Variants in HHAT observed in about 807,000 individuals in gnomAD.
HHAT encodes the protein hedgehog acyltransferase.
In HHAT, 47 loss-of-function variants were observed where a neutral mutation model predicts 70.8. That is an observed-to-expected ratio of 0.66 (90% CI 0.53 to 0.85). The LOEUF is 0.85. Among genes scored for constraint, HHAT ranks in the 40% least tolerant of loss-of-function variants. The pLI is 0.00. For synonymous variants in HHAT, 228 were observed against 247.6 expected, an observed-to-expected ratio of 0.92 and a Z score of 0.74; for missense variants, 609 against 604.8, an observed-to-expected ratio of 1.01 and a Z score of -0.07.
intron 11 of HHAT, among the ~76,000 whole-genome samples, chr1:210,641,095 A>C (rs1249745776): frequency 6.6e-6 from 1 of 152,328 alleles, no homozygotes; most frequent in South Asian, 2.1e-4. Context: ...TGAGCTACTG[A>C]ATACTGTATG....
chr1:210,363,046 C>A, intron 3 of HHAT, 127 bp downstream of exon 3: 1 of 781,578 alleles, frequency 1.3e-6, no homozygotes, highest in Non-Finnish European at 2.2e-6. Flanking sequence ...ACCCTTTTTG[C>A]CGTAAAGGTG....
At chr1:210,628,916 G>A (rs1480987345) in intron 11 of HHAT, among the ~76,000 whole-genome samples, 1 of 152,182 alleles carries the variant, frequency 6.6e-6, no homozygotes, top group East Asian at 1.9e-4. Flanking sequence ...CGGAGGGCAG[G>A]TGTCGGTGTC....
intron 1 of HHAT, among the ~76,000 whole-genome samples, chr1:210,336,166 C>T (rs940891316): frequency 1.6e-4 from 24 of 151,908 alleles, no homozygotes; most frequent in African/African-American, 5.3e-4. Context: ...GTCACCCAGG[C>T]GGGAGTGCAG....
chr1:210,549,828 C>T lies in HHAT; in HGVS notation c.1043+36640C>T, dbSNP rs1000110826. On this transcript the variant is annotated intron_variant, in intron 9 of 11. Transcript: ENST00000261458. ...TGGGCAACATAGCAAGAACCCATCT[C>T]AAAGCAGTTTGAGAAGATTAAGATA... 1.3e-4 allele frequency among the ~76,000 whole-genome samples: 19 copies of T among 148,708 alleles called. 2 individuals carry two copies. The highest frequency in any genetic ancestry group is 4.2e-4 in the African/African-American group (17 of 40,132).
At chr1:210,337,094 CTT>C (rs963863007) in intron 1 of HHAT, among the ~76,000 whole-genome samples, 4 of 151,958 alleles carry the variant, frequency 2.6e-5, no homozygotes, top group African/African-American at 9.7e-5. Flanking sequence ...TATAAAAAGA[CTT>C]AGAGTTATGT....
intron 9 of HHAT, 95 bp downstream of exon 9, chr1:210,513,283 A>G: frequency 1.5e-6 from 1 of 681,412 alleles, no homozygotes. Flanking sequence ...TTGATAAATA[A>G]TGGCACTTAT....
At chr1:210,590,869 G>A (rs1661550118) in intron 10 of HHAT, among the ~76,000 whole-genome samples, 1 of 152,100 alleles carries the variant, frequency 6.6e-6, no homozygotes, top group African/African-American at 2.4e-5. Flanking sequence ...TATTAAGATA[G>A]ATTAGCAGAT....
chr1:210,485,149 A>G (rs2094455353), intron 8 of HHAT, among the ~76,000 whole-genome samples: 1 of 152,174 alleles, frequency 6.6e-6, no homozygotes, highest in Non-Finnish European at 1.5e-5. Context: ...GAGGAAAGAG[A>G]AAGAACAGAG....
At chr1:210,446,480 C>T (rs563223113) in intron 7 of HHAT, among the ~76,000 whole-genome samples, 1 of 152,294 alleles carries the variant, frequency 6.6e-6, no homozygotes, top group South Asian at 2.1e-4. Flanking sequence ...TGTTAAAAAG[C>T]AGAATGTTTC....
intron 8 of HHAT, among the ~76,000 whole-genome samples, chr1:210,505,530 T>C (rs747840246): frequency 4.6e-5 from 7 of 152,088 alleles, no homozygotes; most frequent in Non-Finnish European, 8.8e-5. Context: ...CTTTCAGGTC[T>C]TGTCTGCTCT....
At chr1:210,647,928 G>A (rs1366000174) in intron 11 of HHAT, among the ~76,000 whole-genome samples, 1 of 152,202 alleles carries the variant, frequency 6.6e-6, no homozygotes, top group Non-Finnish European at 1.5e-5. Context: ...TGCAATGGCA[G>A]CCTGAAGGTA....
chr1:210,579,632 A>G (rs1204091208), intron 9 of HHAT, among the ~76,000 whole-genome samples: 1 of 152,204 alleles, frequency 6.6e-6, no homozygotes, highest in East Asian at 1.9e-4. Flanking sequence ...ACTTAAGCTG[A>G]GCAGGTTTAC....
chr1:210,620,765 T>G (rs1048734915), intron 10 of HHAT, among the ~76,000 whole-genome samples: 6 of 152,248 alleles, frequency 3.9e-5, no homozygotes, highest in African/African-American at 1.4e-4. Flanking sequence ...AAATTTTTTT[T>G]TAATTTCTAA....
At chr1:210,567,966 A>G (rs1474374509) in intron 9 of HHAT, among the ~76,000 whole-genome samples, 1 of 152,182 alleles carries the variant, frequency 6.6e-6, no homozygotes, top group Non-Finnish European at 1.5e-5. Context: ...CTCTAAAGTT[A>G]TGTGTCTTTT....
chr1:210,414,250 G>C (rs1456598418), intron 6 of HHAT, among the ~76,000 whole-genome samples: 1 of 152,164 alleles, frequency 6.6e-6, no homozygotes, highest in Non-Finnish European at 1.5e-5. Context: ...TAATCATGAA[G>C]GGTCTGCTCT....
rs986366367 is a variant in HHAT, at chr1:210,611,769, G to GT, written c.1246-11751dup. Among the ~76,000 whole-genome samples, 8 of 152,056 alleles carry GT rather than the reference G, an allele frequency of 5.3e-5. No individual in the cohort carries two copies. The East Asian group carries it at 5.8e-4, about 11-fold the overall frequency. On this transcript the variant is annotated intron_variant, in intron 10 of 11. Transcript: ENST00000261458. ...CTGCATCTATTGTGATAATCATGTG[G>GT]TTTTTTGTCTTTAGTTCTGTTTATG... is the stretch of plus-strand genomic sequence containing the variant.
At chr1:210,414,047 GT>G (rs1202387207) in intron 6 of HHAT, among the ~76,000 whole-genome samples, 12 of 152,122 alleles carry the variant, frequency 7.9e-5, no homozygotes, top group Non-Finnish European at 1.5e-4. Flanking sequence ...CTATAAACTG[GT>G]TGGCTTATAA....
intron 8 of HHAT, among the ~76,000 whole-genome samples, chr1:210,493,635 G>A (rs555977940): frequency 1.6e-4 from 25 of 152,164 alleles, no homozygotes; most frequent in Non-Finnish European, 2.9e-4. Context: ...ATGAGAGAGA[G>A]GTCAAAGCTA....
chr1:210,537,943 G>A (rs1012474299), intron 9 of HHAT, among the ~76,000 whole-genome samples: 2 of 152,020 alleles, frequency 1.3e-5, no homozygotes, highest in Admixed American at 1.3e-4. Flanking sequence ...GGGTTTTATT[G>A]TTGTTATTGG....
Sources: gnomAD v4.1 joint callset for allele counts (sites outside exome capture counted in the v4.1 genomes callset) on GRCh38, gnomAD v4.1.1 for gene constraint, MANE v1.5 for transcripts, NCBI Gene and HGNC (gene_info 2026-07-23, HGNC 2026-07-21) for gene names.